The following ZC3H3 variants were observed in gnomAD, a reference collection of about 807,000 sequenced individuals.
The protein encoded by ZC3H3 is zinc finger CCCH domain-containing protein 3.
Under a neutral mutation model 77.3 loss-of-function variants are expected in ZC3H3, and 36 were observed. The observed-to-expected ratio is 0.47, with a 90% CI of 0.36 to 0.61. ZC3H3 has a LOEUF of 0.61. Among genes scored for constraint, ZC3H3 ranks in the 20% least tolerant of loss-of-function variants. The pLI, the probability that ZC3H3 is intolerant of heterozygous loss-of-function variation, is 0.00. For synonymous variants in ZC3H3, 626 were observed against 555.2 expected, an observed-to-expected ratio of 1.13 and a Z score of -1.79; for missense variants, 1,331 against 1,312.2, an observed-to-expected ratio of 1.01 and a Z score of -0.22.
chr8:143,448,827 C>T (rs565726235), intron 9 of ZC3H3, among the ~76,000 whole-genome samples: 1 of 152,350 alleles, frequency 6.6e-6, no homozygotes, highest in East Asian at 1.9e-4. Flanking sequence ...AGGGCTTGAC[C>T]CCTGCAGTAG....
chr8:143,498,732 CACAGGGCGGGGCGGAGGGGT>C (rs1821427486), intron 4 of ZC3H3, among the ~76,000 whole-genome samples: 5 of 129,594 alleles, frequency 3.9e-5, no homozygotes, highest in Non-Finnish European at 6.5e-5. Context: ...GGCGGAGGGG[CACAGGGCGGGGCGGAGGGGT>C]ACAGGGCGGG....
At chr8:143,492,049 G>A (rs117169455) in intron 4 of ZC3H3, among the ~76,000 whole-genome samples, 2,222 of 152,336 alleles carry the variant, frequency 0.015, 33 homozygotes, top group Non-Finnish European at 0.025. Flanking sequence ...AAAGCAGAAA[G>A]AGGGCACACT....
At chr8:143,492,376 A>G (rs1163094242) in intron 4 of ZC3H3, among the ~76,000 whole-genome samples, 1 of 152,048 alleles carries the variant, frequency 6.6e-6, no homozygotes, top group Non-Finnish European at 1.5e-5. Flanking sequence ...GGCCACTCCC[A>G]GGGCCCTGGC....
chr8:143,467,744 G>A (rs1247107958), intron 8 of ZC3H3, among the ~76,000 whole-genome samples: 1 of 152,170 alleles, frequency 6.6e-6, no homozygotes, highest in Non-Finnish European at 1.5e-5. Context: ...TGAGCCAGGA[G>A]TCCAGCTGTT....
chr8:143,522,599 T>C (rs1358129766), intron 3 of ZC3H3, among the ~76,000 whole-genome samples: 1 of 144,274 alleles, frequency 6.9e-6, no homozygotes, highest in African/African-American at 2.6e-5. Flanking sequence ...AGCAAGACTC[T>C]CTGTCTTAAA....
intron 5 of ZC3H3, among the ~76,000 whole-genome samples, chr8:143,472,940 G>C (rs969841524): frequency 6.6e-6 from 1 of 152,204 alleles, no homozygotes; most frequent in African/African-American, 2.4e-5. Context: ...ATGGGCTCTG[G>C]CTCTGGAAAG....
intron 3 of ZC3H3, among the ~76,000 whole-genome samples, chr8:143,512,539 G>A (rs866328765): frequency 1.3e-5 from 2 of 152,330 alleles, no homozygotes; most frequent in Middle Eastern, 3.4e-3. Flanking sequence ...CAGCAGCACC[G>A]ACTGGGGATG....
intron 9 of ZC3H3, among the ~76,000 whole-genome samples, chr8:143,459,595 C>T (rs567105004): frequency 3.9e-5 from 6 of 152,138 alleles, no homozygotes; most frequent in Non-Finnish European, 7.4e-5. Flanking sequence ...CAATTACTCC[C>T]AGATGCAAGG....
chr8:143,450,200 G>C (rs977337369), intron 9 of ZC3H3, among the ~76,000 whole-genome samples: 1 of 152,016 alleles, frequency 6.6e-6, no homozygotes, highest in Non-Finnish European at 1.5e-5. Flanking sequence ...TTTCTTTATT[G>C]AGACGGTGTC....
intron 5 of ZC3H3, among the ~76,000 whole-genome samples, chr8:143,472,158 G>C (rs542983061): frequency 1.3e-5 from 2 of 152,396 alleles, no homozygotes; most frequent in East Asian, 3.9e-4. Flanking sequence ...CTGTGCGCCA[G>C]ACCCTCCTTG....
chr8:143,438,388 G>A (rs776823371), intron 11 of ZC3H3, among the ~76,000 whole-genome samples: 10 of 152,172 alleles, frequency 6.6e-5, no homozygotes, highest in South Asian at 2.1e-4. Flanking sequence ...CCTCCTGGGC[G>A]GGCGGCAGTC....
At chr8:143,491,577 C>T (rs1487633587) in intron 4 of ZC3H3, among the ~76,000 whole-genome samples, 1 of 152,260 alleles carries the variant, frequency 6.6e-6, no homozygotes, top group Admixed American at 6.5e-5. Flanking sequence ...GGGCACATGC[C>T]CCATCACCAG....
intron 2 of ZC3H3, 68 bp downstream of exon 2, chr8:143,537,935 A>T: frequency 7.0e-7 from 1 of 1,432,684 alleles, no homozygotes; most frequent in Non-Finnish European, 9.4e-7. Flanking sequence ...CAGCAGATCC[A>T]TTAGGGGTGC....
At chr8:143,499,345 C>A (rs1821455838) in intron 4 of ZC3H3, among the ~76,000 whole-genome samples, 1 of 152,102 alleles carries the variant, frequency 6.6e-6, no homozygotes, top group Non-Finnish European at 1.5e-5. Context: ...GCCGGGAAGG[C>A]AGTGGCAAGG....
chr8:143,483,195 G>A (rs1259551885), intron 4 of ZC3H3, among the ~76,000 whole-genome samples: 2 of 152,374 alleles, frequency 1.3e-5, no homozygotes, highest in South Asian at 2.1e-4. Flanking sequence ...GCAGAGCTGC[G>A]CCATGACAGG....
chr8:143,501,794 G>A (rs185035740), intron 4 of ZC3H3, among the ~76,000 whole-genome samples: 5 of 152,254 alleles, frequency 3.3e-5, no homozygotes, highest in South Asian at 2.1e-4. Context: ...GCCCGGCCCC[G>A]GGGCGCGGGT....
intron 4 of ZC3H3, among the ~76,000 whole-genome samples, chr8:143,499,963 G>A (rs1485798830): frequency 6.6e-6 from 1 of 152,158 alleles, no homozygotes; most frequent in Non-Finnish European, 1.5e-5. Flanking sequence ...GCCCTGCCCT[G>A]ATAACCCCTG....
intron 9 of ZC3H3, among the ~76,000 whole-genome samples, chr8:143,455,257 T>C (rs1014538010): frequency 2.0e-5 from 3 of 152,086 alleles, no homozygotes; most frequent in Non-Finnish European, 4.4e-5. Context: ...GAGGGTGCAG[T>C]GAGCCAAGAT....
chr8:143,527,854 CAGCAAACAT>C (rs1822468998), intron 3 of ZC3H3, among the ~76,000 whole-genome samples: 1 of 152,226 alleles, frequency 6.6e-6, no homozygotes. Flanking sequence ...CTCAGCCCCA[CAGCAAACAT>C]TCCTGACCCC....
Sources: gnomAD v4.1 joint callset for allele counts (sites outside exome capture counted in the v4.1 genomes callset) on GRCh38, gnomAD v4.1.1 for gene constraint, MANE v1.5 for transcripts, NCBI Gene and HGNC (gene_info 2026-07-23, HGNC 2026-07-21) for gene names.